SDK1: variants seen among roughly 807,000 people sequenced by gnomAD.
SDK1 encodes the protein sidekick cell adhesion molecule 1, also known as protein sidekick-1.
Under a neutral mutation model 245.5 loss-of-function variants are expected in SDK1, and 157 were observed. That is an observed-to-expected ratio of 0.64 (90% CI 0.56 to 0.73). The LOEUF (loss-of-function observed/expected upper bound fraction) is 0.73, where lower values mean the gene tolerates loss of function less well. Ranked by LOEUF, SDK1 falls within the 30% of genes least tolerant of loss-of-function variation. SDK1 has a pLI of 0.00. For synonymous variants in SDK1, 1,647 were observed against 1,278.5 expected (o/e 1.29, Z -6.15); for missense variants, 3,583 against 3,002.3 (o/e 1.19, Z -4.52).
rs73304224 is a variant in SDK1, at chr7:3,740,689, A to C, written c.714-80761A>C. Among the ~76,000 whole-genome samples, 731 of 152,304 alleles carry C rather than the reference A, an allele frequency of 4.8e-3. 9 individuals carry two copies. Among genetic ancestry groups the C allele is most frequent in the African/African-American group, 0.017 (701 of 41,564 alleles). ...GAACTAGTGGAAGGGGTATGGGAAT[A>C]GGGCAAGTTAAAACACTTTATAGTT... On this transcript the variant is annotated intron_variant, in intron 4 of 44. Transcript: ENST00000404826.
intron 13 of SDK1, 151 bp downstream of exon 13, chr7:3,974,696 A>G (rs1189086316): frequency 1.8e-5 from 11 of 623,794 alleles, no homozygotes; most frequent in Admixed American, 1.3e-4. Flanking sequence ...AACTACATAT[A>G]TGGACAAGGT....
intron 22 of SDK1, among the ~76,000 whole-genome samples, chr7:4,099,637 C>T (rs1331911288): frequency 2.2e-5 from 3 of 137,192 alleles, no homozygotes; most frequent in African/African-American, 5.4e-5. Flanking sequence ...TCTCTGGGAA[C>T]TGGCTCACCC....
intron 19 of SDK1, among the ~76,000 whole-genome samples, chr7:4,064,095 T>C (rs1779718371): frequency 6.6e-6 from 1 of 151,924 alleles, no homozygotes; most frequent in Non-Finnish European, 1.5e-5. Context: ...ATATCAAACT[T>C]AAAAACTTCT....
At chr7:4,025,605 G>A (rs1026466154) in intron 17 of SDK1, among the ~76,000 whole-genome samples, 1 of 152,236 alleles carries the variant, frequency 6.6e-6, no homozygotes, top group African/African-American at 2.4e-5. Flanking sequence ...TAGGAACCCT[G>A]TGAGGGCAGG....
intron 1 of SDK1, among the ~76,000 whole-genome samples, chr7:3,563,306 C>G (rs990298861): frequency 6.6e-6 from 1 of 151,976 alleles, no homozygotes; most frequent in Admixed American, 6.6e-5. Context: ...CCTGGATTAT[C>G]CATCGTAAAG....
At chr7:3,497,437 G>T (rs966279463) in intron 1 of SDK1, among the ~76,000 whole-genome samples, 2 of 152,116 alleles carry the variant, frequency 1.3e-5, no homozygotes, top group Admixed American at 1.3e-4. Flanking sequence ...AGACATCATT[G>T]CGTCTTTATT....
chr7:3,758,880 T>C (rs1319449982), intron 4 of SDK1, among the ~76,000 whole-genome samples: 2 of 152,226 alleles, frequency 1.3e-5, no homozygotes, highest in Admixed American at 6.5e-5. Context: ...TCTGTTCCTG[T>C]CTGTATCCAT....
rs925509661 is a variant in SDK1 at position 3,619,281 on chromosome 7, T to C, written c.458+42T>C. 1.9e-6 allele frequency: 3 copies of C among 1,570,680 alleles called. No individual in the cohort carries two copies. The African/African-American group carries it at 4.0e-5, about 21-fold the overall frequency. On this transcript the variant is annotated intron_variant, in intron 2 of 44. Transcript: ENST00000404826. ...AAAAATAAGATCCCATTTCAGTTGA[T>C]GTGTTTGGAATACTTGCCTTACTGG...
intron 44 of SDK1, among the ~76,000 whole-genome samples, chr7:4,254,234 C>T (rs997231723): frequency 8.6e-5 from 13 of 151,784 alleles, no homozygotes; most frequent in African/African-American, 3.1e-4. Flanking sequence ...TCTTTCTCCT[C>T]TCATTCTGAT....
At chr7:3,559,144 T>TA (rs755395551) in intron 1 of SDK1, among the ~76,000 whole-genome samples, 8 of 152,320 alleles carry the variant, frequency 5.3e-5, no homozygotes, top group Non-Finnish European at 1.2e-4. Context: ...ATGCTGAACT[T>TA]ACGATATATA....
intron 1 of SDK1, among the ~76,000 whole-genome samples, chr7:3,603,043 C>G (rs922906268): frequency 3.9e-5 from 6 of 152,016 alleles, no homozygotes; most frequent in Admixed American, 3.3e-4. Flanking sequence ...TGATCTATAT[C>G]TCTGTTTTGG....
intron 1 of SDK1, among the ~76,000 whole-genome samples, chr7:3,608,306 G>A (rs1476750109): frequency 1.3e-5 from 2 of 152,198 alleles, no homozygotes; most frequent in Non-Finnish European, 2.9e-5. Flanking sequence ...CAAGGCAAAG[G>A]ATTTGGGAGG....
intron 4 of SDK1, among the ~76,000 whole-genome samples, chr7:3,763,181 A>AT (rs1027614227): frequency 2.9e-4 from 44 of 152,080 alleles, no homozygotes; most frequent in African/African-American, 1.0e-3. Context: ...TCTTTAATAA[A>AT]TTTTTTTGTC....
At chr7:4,024,330 C>G (rs2128155451) in intron 17 of SDK1, among the ~76,000 whole-genome samples, 1 of 152,286 alleles carries the variant, frequency 6.6e-6, no homozygotes, top group Non-Finnish European at 1.5e-5. Flanking sequence ...TTGGGAAATT[C>G]TCAATGTGGC....
At chr7:3,301,942 C>A in intron 1 of SDK1, 58 bp downstream of exon 1, 1 of 1,079,236 alleles carries the variant, frequency 9.3e-7, no homozygotes. Flanking sequence ...GAGGCGCGAA[C>A]TTGAGCAGCG....
At chr7:3,383,514 T>C (rs1781540596) in intron 1 of SDK1, among the ~76,000 whole-genome samples, 1 of 152,186 alleles carries the variant, frequency 6.6e-6, no homozygotes, top group Non-Finnish European at 1.5e-5. Flanking sequence ...TTGGCCTCCA[T>C]GTAATCAGAT....
chr7:3,952,924 C>T (rs1048104203), intron 7 of SDK1, among the ~76,000 whole-genome samples: 2 of 152,074 alleles, frequency 1.3e-5, no homozygotes, highest in African/African-American at 4.8e-5. Flanking sequence ...TCTCATTTTT[C>T]CAGCTACTGT....
chr7:4,057,295 C>T (rs931260797), intron 19 of SDK1, among the ~76,000 whole-genome samples: 1 of 152,156 alleles, frequency 6.6e-6, no homozygotes, highest in African/African-American at 2.4e-5. Context: ...CTATCCAGGG[C>T]CCTGGGCTCA....
chr7:4,206,383 G>A (rs754146512), intron 36 of SDK1, among the ~76,000 whole-genome samples: 1 of 152,190 alleles, frequency 6.6e-6, no homozygotes, highest in Admixed American at 6.5e-5. Flanking sequence ...GAAGAGACCA[G>A]GCTCCCCATC....
Sources: gnomAD v4.1 joint callset for allele counts (sites outside exome capture counted in the v4.1 genomes callset) on GRCh38, gnomAD v4.1.1 for gene constraint, MANE v1.5 for transcripts, NCBI Gene and HGNC (gene_info 2026-07-23, HGNC 2026-07-21) for gene names.